Variants in TXK observed in about 807,000 individuals in gnomAD.
TXK encodes tyrosine-protein kinase TXK.
In TXK, 60 loss-of-function variants were observed where a neutral mutation model predicts 81.0. The ratio of observed to expected loss-of-function variants is 0.74; its 90% CI spans 0.60 to 0.92. The LOEUF is 0.92. Ranked by LOEUF, TXK falls within the 40% of genes least tolerant of loss-of-function variation. TXK has a pLI of 0.00. For missense variants in TXK, 581 were observed against 638.3 expected (o/e 0.91, Z 0.97); for synonymous variants, 203 against 210.7 (o/e 0.96, Z 0.32).
intron 1 of TXK, among the ~76,000 whole-genome samples, chr4:48,128,273 C>T (rs1369990586): frequency 1.3e-5 from 2 of 152,136 alleles, no homozygotes; most frequent in African/African-American, 2.4e-5. Context: ...GAAACTGGCT[C>T]AGTTTTGAGA....
chr4:48,081,880 T>C (rs1717314397), intron 10 of TXK, among the ~76,000 whole-genome samples: 1 of 152,210 alleles, frequency 6.6e-6, no homozygotes, highest in African/African-American at 2.4e-5. Context: ...CCTGATATAA[T>C]AATGTACACC....
At chr4:48,097,662 T>C (rs1401143314) in intron 6 of TXK, among the ~76,000 whole-genome samples, 1 of 151,710 alleles carries the variant, frequency 6.6e-6, no homozygotes, top group African/African-American at 2.4e-5. Context: ...GGTCTCGATC[T>C]CTTGACCTTG....
At chr4:48,091,655 G>A (rs888627042) in intron 8 of TXK, among the ~76,000 whole-genome samples, 5 of 152,096 alleles carry the variant, frequency 3.3e-5, no homozygotes, top group Non-Finnish European at 7.4e-5. Flanking sequence ...ACAGGCATGC[G>A]CCACCATGAC....
Position 48,086,600 on chromosome 4 carries a change from T to G in TXK, c.822A>C (p.Ile274=). 1 of 1,614,104 alleles carries G rather than the reference T, an allele frequency of 6.2e-7. No individual in the cohort carries two copies. The highest frequency in any genetic ancestry group is 8.5e-7 in the Non-Finnish European group (1 of 1,179,982). ...WEIDPSELAF[I]KEIGSGQFGV... is the part of the protein sequence containing the mutation. ...CAAACTGACCGCTTCCAATCTCCTTTATAAAAGCCAACTCAGATGGATCTA... is the reference window on the plus strand; with the variant it reads ...CAAACTGACCGCTTCCAATCTCCTTGATAAAAGCCAACTCAGATGGATCTA... The change falls in exon 10 of 15, where the codon ATA becomes ATC. Residue 274 remains isoleucine (I), a synonymous_variant. Coordinates refer to ENST00000264316, the MANE Select transcript of TXK (RefSeq NM_003328.3).
intron 11 of TXK, among the ~76,000 whole-genome samples, chr4:48,079,510 AC>A (rs762235578): frequency 1.3e-5 from 2 of 151,938 alleles, no homozygotes; most frequent in Non-Finnish European, 2.9e-5. Context: ...CTCCTACCTA[AC>A]CAATCAGCTC....
chr4:48,103,565 T>G (rs1414303984), intron 6 of TXK, among the ~76,000 whole-genome samples: 1 of 152,208 alleles, frequency 6.6e-6, no homozygotes, highest in African/African-American at 2.4e-5. Flanking sequence ...TATTTCTCAT[T>G]CGCATTTCTA....
chr4:48,070,329 G>C, intron 14 of TXK, among the ~76,000 whole-genome samples: 1 of 152,202 alleles, frequency 6.6e-6, no homozygotes, highest in East Asian at 1.9e-4. Context: ...GTTCTGGAGA[G>C]ATTTCTTCCT....
At chr4:48,120,815 G>C (rs1291715355) in intron 1 of TXK, among the ~76,000 whole-genome samples, 3 of 151,618 alleles carry the variant, frequency 2.0e-5, no homozygotes, top group Non-Finnish European at 2.9e-5. Flanking sequence ...TTTACTTGCT[G>C]TCTCCAACTG....
rs1719321964 is a variant in TXK at position 48,134,239 on chromosome 4, C to T, written c.-69G>A. On this transcript the variant is annotated 5_prime_UTR_variant, in exon 1 of 15. In the 5' UTR this introduces an upstream ATG that the reference lacks. Coordinates refer to ENST00000264316, the MANE Select transcript of TXK (RefSeq NM_003328.3). ...CTGCGGTGCTCTACTCACAAAAACA[C>T]ATCTTTCAACTGAAATCATAGTTCG... The T allele has an allele frequency of 3.2e-6, 5 of 1,572,020 alleles. No homozygotes were observed. The South Asian group carries it at 4.6e-5, about 15-fold the overall frequency.
chr4:48,106,210 A>T (rs1396050), intron 5 of TXK: 3 of 152,016 alleles, frequency 2.0e-5, no homozygotes, highest in African/African-American at 2.4e-5. Context: ...ATTTTTAAGA[A>T]GGTTTTAAAC....
intron 5 of TXK, among the ~76,000 whole-genome samples, chr4:48,106,805 A>G (rs56218908): frequency 0.062 from 9,445 of 152,258 alleles, 617 homozygotes; most frequent in African/African-American, 0.17. Context: ...TATTTAAAAT[A>G]TCTATTATTT....
chr4:48,095,772 A>T (rs760573957), intron 6 of TXK, among the ~76,000 whole-genome samples: 3 of 152,206 alleles, frequency 2.0e-5, no homozygotes, highest in Non-Finnish European at 4.4e-5. Context: ...TGGGAAGATA[A>T]AAAGAAGTGG....
chr4:48,129,631 C>T (rs1248624069), intron 1 of TXK, among the ~76,000 whole-genome samples: 2 of 152,128 alleles, frequency 1.3e-5, no homozygotes, highest in African/African-American at 2.4e-5. Flanking sequence ...TGATGATGAC[C>T]GCTCATCTGT....
intron 1 of TXK, among the ~76,000 whole-genome samples, chr4:48,126,866 G>C (rs914423073): frequency 6.6e-6 from 1 of 152,168 alleles, no homozygotes; most frequent in African/African-American, 2.4e-5. Context: ...TCTGGGACTA[G>C]AGAAATGCCT....
intron 4 of TXK, 56 bp downstream of exon 4, chr4:48,112,251 T>C (rs1718655005): frequency 9.3e-6 from 14 of 1,505,918 alleles, no homozygotes; most frequent in Non-Finnish European, 1.3e-5. Context: ...AGTCACTAAG[T>C]AGTCTTCTTT....
chr4:48,106,697 ACTTT>A (rs1718471840), intron 5 of TXK, among the ~76,000 whole-genome samples: 1 of 152,194 alleles, frequency 6.6e-6, no homozygotes, highest in South Asian at 2.1e-4. Flanking sequence ...TTAGTAAATG[ACTTT>A]CTAACTGTGA....
At position 48,071,544 on chromosome 4, in the gene TXK, A is replaced by T. The variant is rs1329501989; in HGVS notation, c.1488T>A (p.Tyr496Ter). The change falls in exon 14 of 15, where the codon TAT becomes TAA. Residue 496 changes from tyrosine (Y) to a stop codon, truncating the protein, a stop_gained. Transcript: ENST00000264316. LOFTEE classifies it high-confidence loss of function. ...CATGCCAGCAGCTGTACATGACTTC[A>T]TATATGGACATTGGTGCCAGGTGAG... ...YRPHLAPMSIYEVMYSCWHEK... is the reference protein window; with the variant it reads ...YRPHLAPMSI 2 of 1,614,154 alleles carry T rather than the reference A, an allele frequency of 1.2e-6. No individual in the cohort carries two copies. Among genetic ancestry groups the T allele is most frequent in the South Asian group, 1.1e-5 (1 of 91,068 alleles).
intron 5 of TXK, among the ~76,000 whole-genome samples, chr4:48,110,072 A>G (rs534936262): frequency 6.6e-6 from 1 of 152,364 alleles, no homozygotes; most frequent in East Asian, 1.9e-4. Flanking sequence ...TAATTGTAAC[A>G]AAAATAGATT....
chr4:48,075,875 C>A (rs551008526), intron 12 of TXK, among the ~76,000 whole-genome samples: 12 of 151,988 alleles, frequency 7.9e-5, no homozygotes, highest in African/African-American at 2.7e-4. Flanking sequence ...AGAGAGAAAC[C>A]CCAAATTCCC....
Sources: gnomAD v4.1 joint callset for allele counts (sites outside exome capture counted in the v4.1 genomes callset) on GRCh38, gnomAD v4.1.1 for gene constraint, MANE v1.5 for transcripts, NCBI Gene and HGNC (gene_info 2026-07-23, HGNC 2026-07-21) for gene names.